The following BAZ2B variants were observed in gnomAD, a reference collection of about 807,000 sequenced individuals.
BAZ2B encodes the protein bromodomain adjacent to zinc finger domain 2B.
BAZ2B carries 91 observed loss-of-function variants against 246.0 expected under a neutral mutation model. The ratio of observed to expected loss-of-function variants is 0.37; its 90% CI spans 0.31 to 0.44. The LOEUF is 0.44. BAZ2B is among the 20% of genes least tolerant of loss of function. The pLI is 1.00. For missense variants in BAZ2B, 2,332 were observed against 2,533.7 expected, an observed-to-expected ratio of 0.92 and a Z score of 1.71; for synonymous variants, 855 against 860.0, an observed-to-expected ratio of 0.99 and a Z score of 0.10.
chr2:159,620,803 G>A (rs1696401740), upstream of BAZ2B, among the ~76,000 whole-genome samples: 1 of 152,144 alleles, frequency 6.6e-6, no homozygotes, highest in Non-Finnish European at 1.5e-5. Flanking sequence ...GACAGTAAAA[G>A]GCCTAAGTAC....
chr2:159,666,976 C>T, the BAZ2B span, among the ~76,000 whole-genome samples: 2 of 151,966 alleles, frequency 1.3e-5, no homozygotes, highest in Non-Finnish European at 2.9e-5. Context: ...ATACCTAATG[C>T]ACGTGGGACT....
downstream of BAZ2B, among the ~76,000 whole-genome samples, chr2:159,315,963 C>T (rs897623308): frequency 1.3e-5 from 2 of 151,922 alleles, no homozygotes; most frequent in African/African-American, 4.8e-5. Flanking sequence ...TTTTTCAACT[C>T]AAAAGAAACA....
Position 159,478,622 on chromosome 2 carries a change from C to T in BAZ2B, c.98G>A (p.Gly33Asp), listed in dbSNP as rs778954553. ...AAGTGAAGCAACTCCAGTGGAAAGG[C>T]CACCTTTTGAAACTACTGAAGCCAC... is the stretch of plus-strand genomic sequence containing the variant. Reference protein sequence around the residue: ...PSVASVVSKGGLSTGVASLSS... With the variant: ...PSVASVVSKGDLSTGVASLSS... The change falls in exon 3 of 37, where the codon GGC becomes GAC. Residue 33 changes from glycine (G) to aspartate (D), a missense_variant. Gly to Asp is a moderately conservative substitution (Grantham distance 94). Transcript: ENST00000392783. The T allele has an allele frequency of 2.5e-6, 4 of 1,611,376 alleles. No individual in the cohort carries two copies. The African/African-American group carries it at 4.0e-5, about 16-fold the overall frequency.
intron 2 of BAZ2B, among the ~76,000 whole-genome samples, chr2:159,501,133 TA>T (rs1263376470): frequency 0.012 from 456 of 37,576 alleles, 8 homozygotes; most frequent in African/African-American, 0.03. Context: ...AATATATATA[TA>T]TATTTTATAT....
chr2:159,349,815 G>A lies in BAZ2B; in HGVS notation c.4756C>T (p.Pro1586Ser). 8 of 1,614,170 alleles carry A rather than the reference G, an allele frequency of 5.0e-6. No homozygotes were observed. The highest frequency in any genetic ancestry group is 6.8e-6 in the Non-Finnish European group (8 of 1,180,018). Residue 1586 changes from proline to serine, a missense_variant, in exon 28 of 37, where the codon CCT (proline) becomes TCT (serine). Coordinates refer to ENST00000392783, the MANE Select transcript of BAZ2B (RefSeq NM_013450.4). ...ADMSTASLVT[P>S]QSQPPSKSPS... is the part of the protein sequence containing the mutation. ...GACTTAGATGGTGGCTGAGACTGAG[G>A]AGTCACCAAAGAAGCAGTTGACATA... is the stretch of plus-strand genomic sequence containing the variant.
At position 159,325,816 on chromosome 2, in the gene BAZ2B, C is replaced by A. The variant is rs1395510728; in HGVS notation, c.6046G>T (p.Asp2016Tyr). The A allele has an allele frequency of 3.1e-6, 5 of 1,609,580 alleles. No individual in the cohort carries two copies. The highest frequency in any genetic ancestry group is 4.2e-6 in the Non-Finnish European group (5 of 1,178,824). The change falls in exon 35 of 37, where the codon GAT (aspartate) becomes TAT (tyrosine). Residue 2016 changes from aspartate to tyrosine, a missense_variant. Around this residue, in one of 9 missense-constraint regions of BAZ2B, gnomAD observed 210 missense variants for 232.5 expected, o/e 0.90. Coordinates refer to ENST00000392783, the MANE Select transcript of BAZ2B (RefSeq NM_013450.4). ...KKVTLTGDTE[D>Y]EDSASTSSSL... ...CTACTTGTAGATGCAGAGTCTTCATCTTCAGTATCTCCTGTTAAAGTTACC... is the reference window on the plus strand; with the variant it reads ...CTACTTGTAGATGCAGAGTCTTCATATTCAGTATCTCCTGTTAAAGTTACC...
At chr2:159,363,501 C>T (rs2059925019) in intron 27 of BAZ2B, among the ~76,000 whole-genome samples, 2 of 152,060 alleles carry the variant, frequency 1.3e-5, no homozygotes, top group South Asian at 4.1e-4. Context: ...TGAAATAGTT[C>T]TTTTTAGGTC....
intron 14 of BAZ2B, chr2:159,411,990 C>A: frequency 1.0e-6 from 1 of 984,984 alleles, no homozygotes; most frequent in Non-Finnish European, 1.2e-6. Context: ...CTCAAGGAAT[C>A]GGGAGCTGTT....
the BAZ2B span, chr2:159,694,905 C>G: frequency 6.6e-6 from 1 of 152,160 alleles, no homozygotes; most frequent in African/African-American, 2.4e-5. Flanking sequence ...AACTGCTTTC[C>G]CAAACAGCTG....
chr2:159,412,290 A>G, intron 14 of BAZ2B, 45 bp downstream of exon 14: 1 of 1,563,346 alleles, frequency 6.4e-7, no homozygotes. Flanking sequence ...CTTTTAGTAT[A>G]CTTTTTAGTA....
At chr2:159,706,535 CGTGT>C in the BAZ2B span, among the ~76,000 whole-genome samples, 14 of 152,154 alleles carry the variant, frequency 9.2e-5, no homozygotes, top group Admixed American at 3.9e-4. Context: ...CGTGTGTGTG[CGTGT>C]GTGTTTGTGC....
chr2:159,436,728 G>GCA (rs944384202), intron 8 of BAZ2B, among the ~76,000 whole-genome samples: 4 of 152,078 alleles, frequency 2.6e-5, no homozygotes, highest in African/African-American at 9.7e-5. Flanking sequence ...TCCAGCCTGG[G>GCA]CAACAGAGCG....
intron 3 of BAZ2B, among the ~76,000 whole-genome samples, chr2:159,475,215 C>A (rs1348211227): frequency 6.6e-6 from 1 of 152,162 alleles, no homozygotes; most frequent in Non-Finnish European, 1.5e-5. Flanking sequence ...TTGGTCTTTT[C>A]ACATAGTCCT....
intron 20 of BAZ2B, chr2:159,395,525 A>G: frequency 3.2e-6 from 1 of 316,968 alleles, no homozygotes; most frequent in East Asian, 5.8e-5. Flanking sequence ...AACCAATGTT[A>G]TTTACTACAC....
chr2:159,599,174 GCTTA>G (rs1691482015), intron 1 of BAZ2B, among the ~76,000 whole-genome samples: 1 of 152,194 alleles, frequency 6.6e-6, no homozygotes, highest in Admixed American at 6.5e-5. Flanking sequence ...TGAGAACGAT[GCTTA>G]CTTAAACAGG....
At chr2:159,657,182 T>C in the BAZ2B span, among the ~76,000 whole-genome samples, 1 of 152,200 alleles carries the variant, frequency 6.6e-6, no homozygotes, top group Non-Finnish European at 1.5e-5. Flanking sequence ...GTCCTATGTT[T>C]ATATTCTTTC....
At chr2:159,621,107 G>A (rs1366657246), upstream of BAZ2B, among the ~76,000 whole-genome samples, 2 of 152,212 alleles carry the variant, frequency 1.3e-5, no homozygotes, top group Non-Finnish European at 2.9e-5. Context: ...AGTAGTTGCT[G>A]CAGTCATTAA....
intron 2 of BAZ2B, among the ~76,000 whole-genome samples, chr2:159,549,816 T>TTTTC (rs34360944): frequency 0.31 from 44,056 of 140,856 alleles, 7,539 homozygotes; most frequent in African/African-American, 0.43. Flanking sequence ...GCATAAACTT[T>TTTTC]TTTCTTTCTT....
chr2:159,583,344 A>AG (rs1378471627), intron 1 of BAZ2B, among the ~76,000 whole-genome samples: 3 of 151,990 alleles, frequency 2.0e-5, no homozygotes, highest in African/African-American at 7.3e-5. Flanking sequence ...AGAGCTCCTG[A>AG]GCTCAGGTGA....
Sources: gnomAD v4.1 joint callset for allele counts (sites outside exome capture counted in the v4.1 genomes callset) on GRCh38, gnomAD v4.1.1 for gene constraint, gnomAD v4.1.1 regional missense constraint, MANE v1.5 for transcripts, NCBI Gene and HGNC (gene_info 2026-07-23, HGNC 2026-07-21) for gene names.